The following TEX35 variants were observed in gnomAD, a reference collection of about 807,000 sequenced individuals.
TEX35 encodes the protein testis-expressed protein 35.
A neutral mutation model predicts 31.9 loss-of-function variants in TEX35; 26 were observed. The ratio of observed to expected loss-of-function variants is 0.81; its 90% CI spans 0.60 to 1.13. TEX35 has a LOEUF of 1.13. Ranked by LOEUF, TEX35 falls within the 50% of genes most tolerant of loss-of-function variation. The pLI, the probability that TEX35 is intolerant of heterozygous loss-of-function variation, is 0.00. For synonymous variants in TEX35, 87 were observed against 90.7 expected, an observed-to-expected ratio of 0.96 and a Z score of 0.23; for missense variants, 278 against 273.5, an observed-to-expected ratio of 1.02 and a Z score of -0.12.
intron 1 of TEX35, 96 bp from the exon 2 acceptor site, chr1:178,513,931 G>T (rs1315761719): frequency 2.7e-5 from 39 of 1,437,606 alleles, no homozygotes; most frequent in Non-Finnish European, 3.3e-5. Context: ...GCATGGTTGT[G>T]GGGGGCAGGG....
downstream of TEX35, chr1:178,523,233 T>C (rs1195364835): frequency 4.3e-6 from 3 of 693,998 alleles, no homozygotes; most frequent in Non-Finnish European, 5.2e-6. Context: ...TCCTGGCTAT[T>C]GTGAACAGTG....
intron 5 of TEX35, among the ~76,000 whole-genome samples, chr1:178,519,754 T>C (rs1169491460): frequency 6.6e-6 from 1 of 152,250 alleles, no homozygotes; most frequent in Non-Finnish European, 1.5e-5. Context: ...TTGTCAGTTA[T>C]AGCTTCTACC....
chr1:178,518,725 C>T (rs964377709), intron 5 of TEX35, among the ~76,000 whole-genome samples: 17 of 152,092 alleles, frequency 1.1e-4, no homozygotes, highest in African/African-American at 4.1e-4. Context: ...TCTGTACTGT[C>T]CAAATTTTCT....
At chr1:178,517,983 CTGTT>C (rs1485819034) in intron 5 of TEX35, among the ~76,000 whole-genome samples, 2 of 152,088 alleles carry the variant, frequency 1.3e-5, no homozygotes, top group South Asian at 4.2e-4. Flanking sequence ...ATTAAAGAAA[CTGTT>C]TGGGGGAACA....
chr1:178,521,147 A>G, intron 7 of TEX35, 75 bp from the exon 8 acceptor site: 1 of 1,608,884 alleles, frequency 6.2e-7, no homozygotes, highest in Non-Finnish European at 8.5e-7. Context: ...GCAAGGGCAG[A>G]TAAGGTGCCT....
intron 5 of TEX35, among the ~76,000 whole-genome samples, chr1:178,519,402 A>G (rs1040708277): frequency 3.3e-5 from 5 of 152,200 alleles, no homozygotes; most frequent in Admixed American, 6.5e-5. Flanking sequence ...AGTTTGGAAC[A>G]TGATGATTTT....
chr1:178,517,935 A>T (rs1035062560), intron 5 of TEX35, among the ~76,000 whole-genome samples: 8 of 152,200 alleles, frequency 5.3e-5, no homozygotes, highest in African/African-American at 1.9e-4. Context: ...AGATTTTTTT[A>T]AAAGAATTAT....
intron 7 of TEX35, 32 bp from the exon 8 acceptor site, chr1:178,521,190 G>T: frequency 6.2e-7 from 1 of 1,614,172 alleles, no homozygotes; most frequent in South Asian, 1.1e-5. Context: ...AGGGGAAATT[G>T]ATCTTTCTTG....
At position 178,515,917 on chromosome 1, in the gene TEX35, TAAG is replaced by T. The variant is rs1650058848; in HGVS notation, c.216+7_216+9del. 1.9e-6 allele frequency: 3 copies of T among 1,610,694 alleles called. No homozygotes were observed. Among genetic ancestry groups the T allele is most frequent in the African/African-American group, 1.3e-5 (1 of 74,934 alleles). On this transcript the variant is annotated splice_donor_5th_base_variant and intron_variant, in intron 4 of 8. Transcript: ENST00000319416. The stretch of plus-strand genomic sequence containing the variant: ...GAGAAAATGGAGGAGATAAAACAGG[TAAG>T]AAGATGAGGCCTTCCATATCATGGA...
intron 3 of TEX35, among the ~76,000 whole-genome samples, chr1:178,515,549 A>G (rs570380712): frequency 2.6e-5 from 4 of 152,020 alleles, no homozygotes; most frequent in Non-Finnish European, 5.9e-5. Flanking sequence ...ACTATCTTAT[A>G]GTCTTTTTAA....
chr1:178,515,130 C>A (rs1650028567), intron 3 of TEX35, among the ~76,000 whole-genome samples: 1 of 152,164 alleles, frequency 6.6e-6, no homozygotes, highest in Non-Finnish European at 1.5e-5. Flanking sequence ...TTTTTTGAGA[C>A]AAGGTCTCCC....
At chr1:178,515,830 T>A (rs1558037208) in intron 3 of TEX35, 29 bp from the exon 4 acceptor site, 2 of 1,587,182 alleles carry the variant, frequency 1.3e-6, no homozygotes. Flanking sequence ...ATTTCTTTCC[T>A]CCTTCTCTTC....
chr1:178,520,244 C>T, intron 5 of TEX35, 128 bp from the exon 6 acceptor site: 2 of 890,046 alleles, frequency 2.2e-6, no homozygotes, highest in South Asian at 3.4e-5. Context: ...ACTCCAAAAG[C>T]CACCTCACCC....
chr1:178,516,623 T>C lies in TEX35; in HGVS notation c.225T>C (p.Asp75=), dbSNP rs767413122. Residue 75 remains aspartate, a synonymous_variant, in exon 5 of 9, where the codon GAT becomes GAC. Coordinates refer to ENST00000319416, the MANE Select transcript of TEX35 (RefSeq NM_032126.5). The part of the protein sequence containing the change: ...EKMEEIKQIK[D]LMDKDFDKLH... Reference sequence around the variant, plus strand: ...CCTTTCTTCCTTGTTAGATAAAGGATCTAATGGACAAGGATTTTGATAAAC... The same window carrying C: ...CCTTTCTTCCTTGTTAGATAAAGGACCTAATGGACAAGGATTTTGATAAAC... 15 of 1,613,414 alleles carry C rather than the reference T, an allele frequency of 9.3e-6. No homozygotes were observed. Among genetic ancestry groups the C allele is most frequent in the Admixed American group, 1.7e-5 (1 of 59,974 alleles).
intron 5 of TEX35, among the ~76,000 whole-genome samples, chr1:178,520,018 T>C (rs1013748293): frequency 1.3e-5 from 2 of 152,188 alleles, no homozygotes; most frequent in Non-Finnish European, 1.5e-5. Flanking sequence ...CAAATTGTCT[T>C]TGGGGTCACA....
At chr1:178,521,815 G>A (rs569477035) in intron 8 of TEX35, 5 of 1,539,242 alleles carry the variant, frequency 3.2e-6, no homozygotes, top group Admixed American at 2.0e-5. Context: ...AAGCCAAAGG[G>A]GATGTCATGG....
At chr1:178,515,741 C>T in intron 3 of TEX35, 118 bp from the exon 4 acceptor site, 1 of 756,180 alleles carries the variant, frequency 1.3e-6, no homozygotes, top group African/African-American at 1.8e-5. Context: ...TTTCTTTCCT[C>T]CCTATTGAAA....
intron 8 of TEX35, chr1:178,521,648 A>G (rs760870666): frequency 1.3e-6 from 2 of 1,552,230 alleles, no homozygotes; most frequent in East Asian, 2.4e-5. Flanking sequence ...CCCCGGTGAC[A>G]TCGAATATGT....
At chr1:178,515,719 TCAA>T (rs1274988754) in intron 3 of TEX35, 137 bp from the exon 4 acceptor site, 3 of 685,718 alleles carry the variant, frequency 4.4e-6, no homozygotes, top group Non-Finnish European at 7.6e-6. Context: ...TCCTATTGTC[TCAA>T]CAACATCTTT....
Sources: gnomAD v4.1 joint callset for allele counts (sites outside exome capture counted in the v4.1 genomes callset) on GRCh38, gnomAD v4.1.1 for gene constraint, MANE v1.5 for transcripts, NCBI Gene and HGNC (gene_info 2026-07-23, HGNC 2026-07-21) for gene names.